SDK1: variants seen among roughly 807,000 people sequenced by gnomAD.
SDK1 encodes protein sidekick-1.
SDK1 carries 157 observed loss-of-function variants against 245.5 expected under a neutral mutation model. The observed-to-expected ratio is 0.64, with a 90% CI of 0.56 to 0.73. SDK1 has a LOEUF of 0.73. Ranked by LOEUF, SDK1 falls within the 30% of genes least tolerant of loss-of-function variation. The pLI is 0.00. For missense variants in SDK1, 3,583 were observed against 3,002.3 expected, an observed-to-expected ratio of 1.19 and a Z score of -4.52; for synonymous variants, 1,647 against 1,278.5, an observed-to-expected ratio of 1.29 and a Z score of -6.15.
intron 5 of SDK1, among the ~76,000 whole-genome samples, chr7:3,823,746 A>T (rs188148477): frequency 6.6e-6 from 1 of 152,290 alleles, no homozygotes; most frequent in Admixed American, 6.5e-5. Flanking sequence ...GCAGTTGATG[A>T]TATGGACTTA....
At chr7:3,742,471 C>T (rs905587428) in intron 4 of SDK1, among the ~76,000 whole-genome samples, 1 of 152,168 alleles carries the variant, frequency 6.6e-6, no homozygotes, top group Non-Finnish European at 1.5e-5. Flanking sequence ...AGGGCTTACA[C>T]AAACCAGCCC....
intron 1 of SDK1, among the ~76,000 whole-genome samples, chr7:3,529,524 T>C (rs1165994539): frequency 6.6e-6 from 1 of 152,108 alleles, no homozygotes; most frequent in Non-Finnish European, 1.5e-5. Context: ...GGATATACAT[T>C]AAATAAATGG....
At chr7:3,715,863 C>G (rs1230677691) in intron 4 of SDK1, among the ~76,000 whole-genome samples, 1 of 152,152 alleles carries the variant, frequency 6.6e-6, no homozygotes, top group African/African-American at 2.4e-5. Context: ...GATTTTAAAG[C>G]AGCCATCATA....
intron 4 of SDK1, among the ~76,000 whole-genome samples, chr7:3,780,721 C>G (rs1780704918): frequency 6.6e-6 from 1 of 151,894 alleles, no homozygotes; most frequent in African/African-American, 2.4e-5. Flanking sequence ...AGAAAGCCCA[C>G]CCAACCACCC....
chr7:3,429,398 T>G lies in SDK1; in HGVS notation c.298+127514T>G, dbSNP rs569736449. Among the ~76,000 whole-genome samples, 9 of 152,294 alleles carry G rather than the reference T, an allele frequency of 5.9e-5. No homozygotes were observed. The South Asian group carries it at 1.9e-3, about 32-fold the overall frequency. ...TAGTAAGTAATAGAGTTGGGTTTTT[T>G]GTTGTTTTTAATCCAGGCCCTTTTA... On this transcript the variant is annotated intron_variant, in intron 1 of 44. Coordinates refer to ENST00000404826, the MANE Select transcript of SDK1 (RefSeq NM_152744.4).
At chr7:4,110,809 C>A in intron 23 of SDK1, 37 bp downstream of exon 23, 1 of 1,443,606 alleles carries the variant, frequency 6.9e-7, no homozygotes, top group Non-Finnish European at 9.8e-7. Flanking sequence ...CAGGAGGAAA[C>A]ACTGGCAGCC....
At chr7:3,316,039 A>C (rs767626360) in intron 1 of SDK1, among the ~76,000 whole-genome samples, 1 of 152,202 alleles carries the variant, frequency 6.6e-6, no homozygotes, top group Non-Finnish European at 1.5e-5. Context: ...AATTCTCCCC[A>C]CAACTCTAAT....
intron 1 of SDK1, among the ~76,000 whole-genome samples, chr7:3,334,003 G>T (rs1780135856): frequency 6.6e-6 from 1 of 152,162 alleles, no homozygotes; most frequent in African/African-American, 2.4e-5. Flanking sequence ...GAGTAAAGTG[G>T]CTACATCACA....
intron 1 of SDK1, among the ~76,000 whole-genome samples, chr7:3,510,303 A>T (rs1782539238): frequency 6.6e-6 from 1 of 152,186 alleles, no homozygotes; most frequent in Non-Finnish European, 1.5e-5. Context: ...GAATACTTAG[A>T]TGATTCTATA....
intron 22 of SDK1, among the ~76,000 whole-genome samples, chr7:4,084,602 A>C (rs1781304383): frequency 6.6e-6 from 1 of 152,160 alleles, no homozygotes. Flanking sequence ...ATATTTTCTG[A>C]AGCATCATGA....
intron 1 of SDK1, among the ~76,000 whole-genome samples, chr7:3,484,810 G>A (rs569413959): frequency 1.3e-4 from 20 of 152,116 alleles, no homozygotes; most frequent in Non-Finnish European, 2.4e-4. Flanking sequence ...AGTTATAAAC[G>A]TGTTGCTGCA....
intron 1 of SDK1, among the ~76,000 whole-genome samples, chr7:3,319,298 C>T (rs1779736577): frequency 6.6e-6 from 1 of 152,172 alleles, no homozygotes; most frequent in South Asian, 2.1e-4. Flanking sequence ...TCATTTGACA[C>T]AAGCTGTCAT....
intron 1 of SDK1, among the ~76,000 whole-genome samples, chr7:3,453,955 C>T: frequency 6.6e-6 from 1 of 152,142 alleles, no homozygotes; most frequent in Non-Finnish European, 1.5e-5. Context: ...GATTTTGATA[C>T]AATGTACGAC....
intron 19 of SDK1, among the ~76,000 whole-genome samples, chr7:4,054,386 C>A (rs1484607093): frequency 6.6e-6 from 1 of 152,196 alleles, no homozygotes; most frequent in Non-Finnish European, 1.5e-5. Context: ...GATATTGACA[C>A]TGATGATACA....
chr7:3,515,681 G>A (rs905239608), intron 1 of SDK1, among the ~76,000 whole-genome samples: 2 of 152,116 alleles, frequency 1.3e-5, no homozygotes, highest in African/African-American at 4.8e-5. Flanking sequence ...AATCATATAA[G>A]GAGGTTAGCC....
At chr7:3,657,189 A>C (rs1783213243) in intron 4 of SDK1, among the ~76,000 whole-genome samples, 1 of 152,182 alleles carries the variant, frequency 6.6e-6, no homozygotes, top group Non-Finnish European at 1.5e-5. Flanking sequence ...CACCCAGGGC[A>C]TTCGTGCACC....
rs367677791 is a variant in SDK1, at chr7:3,323,257, C to A, written c.298+21373C>A. ...CTTCAAAAGACGTTATTCATTGTTACATTCCCTGCATCCGGCACAGTACCT... is the reference window on the plus strand; with the variant it reads ...CTTCAAAAGACGTTATTCATTGTTAAATTCCCTGCATCCGGCACAGTACCT... On this transcript the variant is annotated intron_variant, in intron 1 of 44. Transcript: ENST00000404826. Among the ~76,000 whole-genome samples the A allele has an allele frequency of 5.9e-5, 9 of 152,342 alleles. No individual in the cohort carries two copies. The South Asian group carries it at 8.3e-4, about 14-fold the overall frequency.
intron 14 of SDK1, among the ~76,000 whole-genome samples, chr7:4,007,982 T>C (rs1785622635): frequency 6.6e-6 from 1 of 152,184 alleles, no homozygotes; most frequent in Admixed American, 6.5e-5. Flanking sequence ...ACATTCACAC[T>C]GTTCTGCCAC....
intron 22 of SDK1, among the ~76,000 whole-genome samples, chr7:4,105,634 G>A (rs1464306630): frequency 6.6e-6 from 1 of 152,210 alleles, no homozygotes. Flanking sequence ...TGAATGCTTT[G>A]ACAGTGATCT....
Sources: allele counts gnomAD v4.1 joint callset (sites outside exome capture counted in the v4.1 genomes callset), GRCh38; gene constraint gnomAD v4.1.1; transcripts MANE v1.5; gene names NCBI Gene and HGNC (gene_info 2026-07-23, HGNC 2026-07-21).